ZCCHC4: variants seen among roughly 807,000 people sequenced by gnomAD.
ZCCHC4 encodes the protein rRNA N(6)-adenosine-methyltransferase ZCCHC4.
A neutral mutation model predicts 67.7 loss-of-function variants in ZCCHC4; 54 were observed. The observed-to-expected ratio is 0.80, with a 90% CI of 0.64 to 1.00. ZCCHC4 has a LOEUF of 1.00. ZCCHC4 is among the 50% of genes least tolerant of loss of function. The pLI is 0.00. For missense variants in ZCCHC4, 609 were observed against 617.0 expected, an observed-to-expected ratio of 0.99 and a Z score of 0.14; for synonymous variants, 198 against 213.5, an observed-to-expected ratio of 0.93 and a Z score of 0.63.
chr4:25,342,501 A>G (rs1008574612), intron 5 of ZCCHC4, among the ~76,000 whole-genome samples: 7 of 152,174 alleles, frequency 4.6e-5, no homozygotes. Context: ...GTGAAACTCT[A>G]TTTGGCAAAC....
At chr4:25,324,270 C>G (rs1718746211) in intron 3 of ZCCHC4, among the ~76,000 whole-genome samples, 3 of 151,824 alleles carry the variant, frequency 2.0e-5, no homozygotes, top group African/African-American at 2.4e-5. Context: ...CTGCCTTGGC[C>G]TCCCAAAGTG....
intron 3 of ZCCHC4, among the ~76,000 whole-genome samples, chr4:25,320,736 C>G (rs993754105): frequency 1.3e-5 from 2 of 152,200 alleles, no homozygotes; most frequent in Admixed American, 1.3e-4. Flanking sequence ...CACAAGATCT[C>G]AGTTTATCTT....
intron 5 of ZCCHC4, among the ~76,000 whole-genome samples, chr4:25,334,416 T>C (rs184696119): frequency 6.6e-5 from 10 of 152,348 alleles, no homozygotes; most frequent in Admixed American, 3.9e-4. Flanking sequence ...GTTGTACATA[T>C]TGTCTTTCAC....
At chr4:25,335,514 A>G (rs1236335895) in intron 5 of ZCCHC4, among the ~76,000 whole-genome samples, 1 of 152,116 alleles carries the variant, frequency 6.6e-6, no homozygotes, top group Non-Finnish European at 1.5e-5. Context: ...TAATCCCAGC[A>G]CTTTCGGAGG....
chr4:25,317,336 A>G (rs1306761347), intron 3 of ZCCHC4, among the ~76,000 whole-genome samples: 2 of 152,132 alleles, frequency 1.3e-5, no homozygotes, highest in South Asian at 2.1e-4. Context: ...TTGTCCCTTA[A>G]CTACAGTGGT....
rs186583030 is a variant in ZCCHC4, at chr4:25,361,392, C to A, written c.1012-467C>A. 5.9e-5 allele frequency among the ~76,000 whole-genome samples: 9 copies of A among 152,292 alleles called. No individual in the cohort carries two copies. The East Asian group carries it at 1.7e-3, about 29-fold the overall frequency. On this transcript the variant is annotated intron_variant, in intron 8 of 12. Coordinates refer to ENST00000302874, the MANE Select transcript of ZCCHC4 (RefSeq NM_024936.3). ...TGGCTGCGCTTTAGTCAGGAGTAGG[C>A]CGAGGTGGCTTTCTGGCACAGCATG...
Position 25,361,957 on chromosome 4 carries a change from C to T in ZCCHC4, c.1110C>T (p.Ile370=). 1.2e-6 allele frequency: 2 copies of T among 1,613,950 alleles called. No individual in the cohort carries two copies. The highest frequency in any genetic ancestry group is 1.7e-5 in the Admixed American group (1 of 60,000). The part of the protein sequence containing the change: ...IFTNIPPNKI[I]LPTEEGYRFC... ...CCAACATTCCGCCCAACAAAATAATCCTTCCTACTGAAGAAGGGTACAGGT... is the reference window on the plus strand; with the variant it reads ...CCAACATTCCGCCCAACAAAATAATTCTTCCTACTGAAGAAGGGTACAGGT... Residue 370 remains isoleucine, a synonymous_variant, in exon 9 of 13, where the codon ATC becomes ATT. Coordinates refer to ENST00000302874, the MANE Select transcript of ZCCHC4 (RefSeq NM_024936.3).
intron 3 of ZCCHC4, among the ~76,000 whole-genome samples, chr4:25,318,387 A>T (rs1176084452): frequency 7.4e-5 from 7 of 94,624 alleles, no homozygotes; most frequent in Admixed American, 1.7e-4. Context: ...CTACAGTTTC[A>T]CTCTTGTCGC....
intron 8 of ZCCHC4, among the ~76,000 whole-genome samples, chr4:25,358,205 G>A (rs1230768416): frequency 3.3e-5 from 5 of 152,156 alleles, no homozygotes; most frequent in Non-Finnish European, 7.3e-5. Flanking sequence ...AGTCACTGTG[G>A]GGAGAACAAC....
intron 6 of ZCCHC4, among the ~76,000 whole-genome samples, chr4:25,346,032 C>T (rs1287956749): frequency 1.3e-5 from 2 of 152,144 alleles, no homozygotes; most frequent in Non-Finnish European, 2.9e-5. Flanking sequence ...GCCTTGATAA[C>T]CTCCACTCAT....
chr4:25,365,472 G>A, intron 12 of ZCCHC4: 1 of 1,077,850 alleles, frequency 9.3e-7, no homozygotes, highest in African/African-American at 1.7e-5. Context: ...GACAGTTCAT[G>A]CTTTATTGAA....
At chr4:25,365,837 A>G in intron 12 of ZCCHC4, 1 of 985,412 alleles carries the variant, frequency 1.0e-6, no homozygotes, top group Non-Finnish European at 1.2e-6. Context: ...AAAGAGAAAA[A>G]CATTGCTATT....
chr4:25,336,635 C>T (rs370885524), intron 5 of ZCCHC4, among the ~76,000 whole-genome samples: 31 of 152,278 alleles, frequency 2.0e-4, no homozygotes, highest in African/African-American at 7.0e-4. Context: ...TAGAGGCGTG[C>T]GCTGCCATGT....
chr4:25,322,579 G>T (rs975460298), intron 3 of ZCCHC4, among the ~76,000 whole-genome samples: 1 of 151,896 alleles, frequency 6.6e-6, no homozygotes, highest in Non-Finnish European at 1.5e-5. Context: ...CAGTGGCATC[G>T]TGATCTTGGC....
chr4:25,339,824 A>T (rs1277634683), intron 5 of ZCCHC4, among the ~76,000 whole-genome samples: 2 of 151,852 alleles, frequency 1.3e-5, no homozygotes, highest in African/African-American at 4.8e-5. Context: ...TTTTCATCAA[A>T]GAGTTTTATA....
At chr4:25,357,360 CT>C (rs1560415257) in intron 8 of ZCCHC4, among the ~76,000 whole-genome samples, 2 of 152,194 alleles carry the variant, frequency 1.3e-5, no homozygotes, top group Non-Finnish European at 2.9e-5. Context: ...GTGATCTAAC[CT>C]GAAAGTTTCC....
At chr4:25,332,125 T>C (rs1470090895) in intron 3 of ZCCHC4, among the ~76,000 whole-genome samples, 2 of 152,082 alleles carry the variant, frequency 1.3e-5, no homozygotes, top group Non-Finnish European at 2.9e-5. Context: ...CTGGCCAACA[T>C]GGTGAAACCC....
At chr4:25,360,262 T>A (rs1341841499) in intron 8 of ZCCHC4, among the ~76,000 whole-genome samples, 5 of 152,230 alleles carry the variant, frequency 3.3e-5, no homozygotes, top group Non-Finnish European at 7.3e-5. Context: ...ATTAAGATGG[T>A]GCGGCTGAGA....
At position 25,365,079 on chromosome 4, in the gene ZCCHC4, G is replaced by A. The variant is rs1011963375; in HGVS notation, c.1319G>A (p.Gly440Asp). The A allele has an allele frequency of 5.0e-6, 8 of 1,614,024 alleles. No individual in the cohort carries two copies. Among genetic ancestry groups the A allele is most frequent in the Non-Finnish European group, 5.9e-6 (7 of 1,180,028 alleles). Residue 440 changes from glycine (G) to aspartate (D), a missense_variant, in exon 12 of 13, where the codon GGC (glycine) becomes GAC (aspartate). Physicochemically the swap from Gly to Asp is moderately conservative, Grantham distance 94 (BLOSUM62 -1). Transcript: ENST00000302874. ...GCTGTTCCAGATCATTCTTGTGAGGGCCCCAAACATGGCTGCTTTATTTGT... is the reference window on the plus strand; with the variant it reads ...GCTGTTCCAGATCATTCTTGTGAGGACCCCAAACATGGCTGCTTTATTTGT... ...HCAVPDHSCEGPKHGCFICGE... is the reference protein window; with the variant it reads ...HCAVPDHSCEDPKHGCFICGE...
Sources: allele counts gnomAD v4.1 joint callset (sites outside exome capture counted in the v4.1 genomes callset), GRCh38; gene constraint gnomAD v4.1.1; transcripts MANE v1.5; gene names NCBI Gene and HGNC (gene_info 2026-07-23, HGNC 2026-07-21).